LAPTM5: variants seen among roughly 807,000 people sequenced by gnomAD.
LAPTM5 encodes the protein lysosomal protein transmembrane 5.
Under a neutral mutation model 30.1 loss-of-function variants are expected in LAPTM5, and 11 were observed. That is an observed-to-expected ratio of 0.37 (90% CI 0.23 to 0.60). The LOEUF is 0.60. Among genes scored for constraint, LAPTM5 ranks in the 20% least tolerant of loss-of-function variants. LAPTM5 has a pLI of 0.71. For missense variants in LAPTM5, 324 were observed against 332.5 expected, an observed-to-expected ratio of 0.97 and a Z score of 0.20; for synonymous variants, 151 against 137.9, an observed-to-expected ratio of 1.10 and a Z score of -0.67.
intron 1 of LAPTM5, among the ~76,000 whole-genome samples, chr1:30,756,963 T>G (rs1640219744): frequency 6.6e-6 from 1 of 152,202 alleles, no homozygotes; most frequent in South Asian, 2.1e-4. Flanking sequence ...AAGACCACAC[T>G]GTGAGTCACC....
intron 5 of LAPTM5, 36 bp downstream of exon 5, chr1:30,738,904 C>A: frequency 1.9e-6 from 3 of 1,575,898 alleles, no homozygotes; most frequent in Non-Finnish European, 2.6e-6. Context: ...GGCCACACAG[C>A]CAGCAAATGG....
intron 1 of LAPTM5, 100 bp from the exon 2 acceptor site, chr1:30,742,649 G>A: frequency 3.3e-6 from 3 of 897,198 alleles, no homozygotes; most frequent in South Asian, 2.8e-5. Flanking sequence ...CCAGTAGTGG[G>A]GATCCTGGAG....
chr1:30,741,896 C>T (rs1639976678), intron 2 of LAPTM5, 180 bp from the exon 3 acceptor site: 4 of 500,776 alleles, frequency 8.0e-6, no homozygotes. Context: ...CAGAACATCA[C>T]ACATAGCACA....
chr1:30,741,748 G>A, intron 2 of LAPTM5, 32 bp from the exon 3 acceptor site: 2 of 1,553,394 alleles, frequency 1.3e-6, no homozygotes, highest in Non-Finnish European at 1.7e-6. Flanking sequence ...GAGGTGCTCA[G>A]GGGTGCCCCT....
rs1882024 is a variant in LAPTM5 at position 30,746,868 on chromosome 1, G to A, written c.88-4319C>T. Among the ~76,000 whole-genome samples the A allele has an allele frequency of 0.36, 55,322 of 152,096 alleles. 10,980 individuals are homozygous for A. Among genetic ancestry groups the A allele is most frequent in the Non-Finnish European group, 0.43 (29,434 of 67,960 alleles). On this transcript the variant is annotated intron_variant, in intron 1 of 7. Transcript: ENST00000294507. The surrounding 1 kb of genome is among the most constrained non-coding windows in gnomAD (Gnocchi z 4.0). The stretch of plus-strand genomic sequence containing the variant: ...GGAATCGTGTGGTGCGCGGAGCCGG[G>A]CACACAGCAGGTGCACCATAAACAA...
chr1:30,748,985 T>A (rs1461419290), intron 1 of LAPTM5, among the ~76,000 whole-genome samples: 1 of 152,198 alleles, frequency 6.6e-6, no homozygotes, highest in African/African-American at 2.4e-5. Flanking sequence ...TTGAAGACAG[T>A]GATTCAGAAA....
intron 1 of LAPTM5, among the ~76,000 whole-genome samples, chr1:30,747,682 T>C (rs1164691154): frequency 6.6e-6 from 1 of 151,826 alleles, no homozygotes; most frequent in Non-Finnish European, 1.5e-5. Context: ...GCTAAAAGAA[T>C]GGGGGCAGGG....
intron 6 of LAPTM5, among the ~76,000 whole-genome samples, chr1:30,736,994 T>G (rs943516699): frequency 2.0e-4 from 30 of 151,686 alleles, no homozygotes; most frequent in Admixed American, 3.3e-4. Context: ...TTTGTGGGGG[T>G]TTTTTGACTT....
intron 6 of LAPTM5, among the ~76,000 whole-genome samples, chr1:30,736,566 T>C (rs1639887564): frequency 6.6e-6 from 1 of 151,884 alleles, no homozygotes; most frequent in Admixed American, 6.6e-5. Context: ...CCCTAGTAGC[T>C]GGGACTACAG....
chr1:30,737,062 CA>C (rs1237858366), intron 6 of LAPTM5, among the ~76,000 whole-genome samples: 1 of 152,184 alleles, frequency 6.6e-6, no homozygotes, highest in Non-Finnish European at 1.5e-5. Context: ...GCTGTGAACA[CA>C]CTCCAGTGCT....
At chr1:30,748,934 GAATCCATCC>G (rs1640088747) in intron 1 of LAPTM5, among the ~76,000 whole-genome samples, 1 of 152,228 alleles carries the variant, frequency 6.6e-6, no homozygotes, top group Non-Finnish European at 1.5e-5. Context: ...AGGGAGAGAA[GAATCCATCC>G]ACCTCCTGGA....
chr1:30,755,700 AG>A (rs1399823531), intron 1 of LAPTM5, among the ~76,000 whole-genome samples: 4 of 152,216 alleles, frequency 2.6e-5, no homozygotes, highest in African/African-American at 9.7e-5. Flanking sequence ...CCGGGTTTGC[AG>A]GGCAGCCTCT....
chr1:30,749,686 C>T (rs777890604), intron 1 of LAPTM5, among the ~76,000 whole-genome samples: 1 of 152,076 alleles, frequency 6.6e-6, no homozygotes, highest in Non-Finnish European at 1.5e-5. Flanking sequence ...TCAGGGCGGG[C>T]TTCTCAGAGG....
rs1640046056 is a variant in LAPTM5 at position 30,746,426 on chromosome 1, A to G, written c.88-3877T>C. On this transcript the variant is annotated intron_variant, in intron 1 of 7. Transcript: ENST00000294507. This position sits in a 1 kb window ranked among gnomAD's most constrained non-coding sequence, Gnocchi z 4.0. ...AAAGTACCTGGCCGACCTACAGAGT[A>G]TGCAGACAGTCAACATTTCCAAGCC... is the stretch of plus-strand genomic sequence containing the variant. Among the ~76,000 whole-genome samples the G allele has an allele frequency of 6.6e-6, 1 of 152,136 alleles. No individual in the cohort carries two copies. Among genetic ancestry groups the G allele is most frequent in the South Asian group, 2.1e-4 (1 of 4,828 alleles).
chr1:30,750,720 TATCTA>T (rs1442651730), intron 1 of LAPTM5, among the ~76,000 whole-genome samples: 1 of 152,214 alleles, frequency 6.6e-6, no homozygotes, highest in Non-Finnish European at 1.5e-5. Context: ...TCGGGTTCTT[TATCTA>T]ACACAGGCTG....
Position 30,746,164 on chromosome 1 carries a change from C to G in LAPTM5, c.88-3615G>C, listed in dbSNP as rs2124189971. ...GCCCTGGCCAGGTTCTGGCTTCTCC[C>G]TGGCCTCAGCTTTCGATTCTGGTCA... On this transcript the variant is annotated intron_variant, in intron 1 of 7. Coordinates refer to ENST00000294507, the MANE Select transcript of LAPTM5 (RefSeq NM_006762.3). This position sits in a 1 kb window ranked among gnomAD's most constrained non-coding sequence, Gnocchi z 4.0. The G allele has an allele frequency of 6.6e-6, 1 of 152,426 alleles. No homozygotes were observed. The highest frequency in any genetic ancestry group is 1.9e-4 in the East Asian group (1 of 5,184). 9.4% of individuals were successfully genotyped at this position (152,426 alleles called of 1,614,324 possible).
chr1:30,752,561 C>T lies in LAPTM5; in HGVS notation c.87+5098G>A, dbSNP rs79160371. ...GTGCCCAAGCAAAGCCCTACTCATC[C>T]TTAAGACTCAGACCTCCTCCAAGAA... On this transcript the variant is annotated intron_variant, in intron 1 of 7. Coordinates refer to ENST00000294507, the MANE Select transcript of LAPTM5 (RefSeq NM_006762.3). Among the ~76,000 whole-genome samples, 552 of 152,362 alleles carry T rather than the reference C, an allele frequency of 3.6e-3. 1 individual carries two copies. The highest frequency in any genetic ancestry group is 0.01 in the African/African-American group (424 of 41,584).
Position 30,755,302 on chromosome 1 carries a change from G to A in LAPTM5, c.87+2357C>T, listed in dbSNP as rs1640194944. Among the ~76,000 whole-genome samples, 6 of 151,756 alleles carry A rather than the reference G, an allele frequency of 4.0e-5. No homozygotes were observed. In the South Asian group the frequency reaches 1.3e-3, roughly 32 times the overall value. ...GTAGGTAGAGACCATGGATGCTGCT[G>A]AACTTCCTCTAACGCACAATTCACT... On this transcript the variant is annotated intron_variant, in intron 1 of 7. Coordinates refer to ENST00000294507, the MANE Select transcript of LAPTM5 (RefSeq NM_006762.3).
chr1:30,740,458 C>G (rs1639954263), intron 3 of LAPTM5, among the ~76,000 whole-genome samples: 1 of 150,416 alleles, frequency 6.6e-6, no homozygotes, highest in Non-Finnish European at 1.5e-5. Context: ...CCTCCACCAG[C>G]CACTCCCAGG....
Sources: gnomAD v4.1 joint callset for allele counts (sites outside exome capture counted in the v4.1 genomes callset) on GRCh38, gnomAD v4.1.1 for gene constraint, Gnocchi (gnomAD v3.1) non-coding constraint, MANE v1.5 for transcripts, NCBI Gene and HGNC (gene_info 2026-07-23, HGNC 2026-07-21) for gene names.